The following PPP2R2B variants were observed in gnomAD, a reference collection of about 807,000 sequenced individuals.
PPP2R2B encodes serine/threonine-protein phosphatase 2A 55 kDa regulatory subunit B beta isoform.
PPP2R2B carries 5 observed loss-of-function variants against 46.0 expected under a neutral mutation model. That is an observed-to-expected ratio of 0.11 (90% CI 0.06 to 0.23). The LOEUF (loss-of-function observed/expected upper bound fraction) is 0.23. Among genes scored for constraint, PPP2R2B ranks in the 10% least tolerant of loss-of-function variants. The probability of loss-of-function intolerance (pLI) is 1.00; values close to 1 mark genes in which losing one functional copy is unlikely to be tolerated. For synonymous variants in PPP2R2B, 215 were observed against 206.7 expected (o/e 1.04, Z -0.34); for missense variants, 367 against 575.0 (o/e 0.64, Z 3.70).
intron 1 of PPP2R2B, among the ~76,000 whole-genome samples, chr5:146,948,707 G>A (rs774723516): frequency 6.6e-6 from 1 of 151,924 alleles, no homozygotes; most frequent in African/African-American, 2.4e-5. Flanking sequence ...TCATTCATTT[G>A]GTGCAAAAAC....
At chr5:146,820,879 G>A (rs1758214688) in intron 2 of PPP2R2B, among the ~76,000 whole-genome samples, 1 of 152,134 alleles carries the variant, frequency 6.6e-6, no homozygotes. Flanking sequence ...GACCTAGATA[G>A]AAGCCCTACT....
chr5:146,940,050 G>C (rs2151828488), intron 1 of PPP2R2B, among the ~76,000 whole-genome samples: 1 of 152,258 alleles, frequency 6.6e-6, no homozygotes, highest in Middle Eastern at 3.4e-3. Context: ...TAACCTAAAA[G>C]AGTAAAACAA....
intron 2 of PPP2R2B, among the ~76,000 whole-genome samples, chr5:147,070,871 C>G (rs1757570551): frequency 6.6e-6 from 1 of 152,108 alleles, no homozygotes; most frequent in African/African-American, 2.4e-5. Flanking sequence ...TTAGGCTAAT[C>G]CCATTCTCCT....
chr5:147,024,986 C>A (rs1404286429), intron 1 of PPP2R2B, among the ~76,000 whole-genome samples: 1 of 151,432 alleles, frequency 6.6e-6, no homozygotes, highest in Non-Finnish European at 1.5e-5. Flanking sequence ...AAAAATGGAA[C>A]CACGAATAGG....
intron 1 of PPP2R2B, among the ~76,000 whole-genome samples, chr5:147,048,484 A>C (rs1308248192): frequency 6.6e-6 from 1 of 152,198 alleles, no homozygotes; most frequent in African/African-American, 2.4e-5. Context: ...ATGAGCCTAC[A>C]ATAAATGCTA....
chr5:147,070,384 C>T (rs536868868), intron 2 of PPP2R2B, among the ~76,000 whole-genome samples: 38 of 152,228 alleles, frequency 2.5e-4, no homozygotes, highest in Non-Finnish European at 4.3e-4. Context: ...AAGAAAAAGG[C>T]GTAATCCTTA....
chr5:146,800,920 A>G (rs1476391604), intron 2 of PPP2R2B, among the ~76,000 whole-genome samples: 1 of 130,860 alleles, frequency 7.6e-6, no homozygotes, highest in Non-Finnish European at 1.6e-5. Flanking sequence ...GTGTACATAC[A>G]CACACACACA....
chr5:146,803,298 C>T (rs963839633), intron 2 of PPP2R2B, among the ~76,000 whole-genome samples: 1 of 151,958 alleles, frequency 6.6e-6, no homozygotes, highest in Non-Finnish European at 1.5e-5. Flanking sequence ...CTATGTAAGC[C>T]CCAGCAAATG....
chr5:147,041,756 CATTT>C (rs1756319120), intron 1 of PPP2R2B, among the ~76,000 whole-genome samples: 1 of 152,088 alleles, frequency 6.6e-6, no homozygotes, highest in Admixed American at 6.5e-5. Context: ...GCTTTTTATT[CATTT>C]GTTTAACCCT....
At chr5:147,049,886 CT>C (rs527238998) in intron 1 of PPP2R2B, among the ~76,000 whole-genome samples, 103 of 152,270 alleles carry the variant, frequency 6.8e-4, no homozygotes, top group African/African-American at 2.4e-3. Flanking sequence ...GTGGATGACA[CT>C]TTCAAGGCAT....
At chr5:146,771,618 C>T (rs1025927013) in intron 2 of PPP2R2B, among the ~76,000 whole-genome samples, 12 of 152,304 alleles carry the variant, frequency 7.9e-5, no homozygotes, top group Admixed American at 7.8e-4. Flanking sequence ...CAATATCAGT[C>T]CTGCCCTTCT....
upstream of PPP2R2B, among the ~76,000 whole-genome samples, chr5:147,059,466 GGA>G (rs1561605784): frequency 2.0e-5 from 3 of 152,130 alleles, no homozygotes; most frequent in Non-Finnish European, 4.4e-5. Flanking sequence ...AGGGTCACCA[GGA>G]GAGGAATGGT....
chr5:146,752,333 G>A (rs890231847), intron 2 of PPP2R2B, among the ~76,000 whole-genome samples: 1 of 152,130 alleles, frequency 6.6e-6, no homozygotes, highest in Non-Finnish European at 1.5e-5. Context: ...ACATCACAAT[G>A]TTGGCTCCTT....
rs578127907 is a variant in PPP2R2B at position 146,934,048 on chromosome 5, A to G, written c.79+121617T>C. On this transcript the variant is annotated intron_variant, in intron 1 of 8. Transcript: ENST00000336640. The stretch of plus-strand genomic sequence containing the variant: ...ATGGCTGCATAGTATTCCATGGTGT[A>G]TATGTGCCACATTTTCTTAATCAAG... Among the ~76,000 whole-genome samples, 331 of 152,198 alleles carry G rather than the reference A, an allele frequency of 2.2e-3. 2 individuals carry two copies. Among genetic ancestry groups the G allele is most frequent in the African/African-American group, 7.7e-3 (320 of 41,538 alleles).
At chr5:147,081,495 G>T, upstream of PPP2R2B, 1 of 590,518 alleles carries the variant, frequency 1.7e-6, no homozygotes, top group Non-Finnish European at 3.0e-6. Context: ...GAATACTAAT[G>T]CTTTTGATTG....
At chr5:147,069,798 T>TTTTTTTTC (rs1757530516) in intron 2 of PPP2R2B, among the ~76,000 whole-genome samples, 1 of 130,166 alleles carries the variant, frequency 7.7e-6, no homozygotes, top group Non-Finnish European at 1.6e-5. Flanking sequence ...TTTTTTTTTT[T>TTTTTTTTC]TTTTTTTTTT....
chr5:146,956,069 GC>G (rs1436040373), intron 1 of PPP2R2B, among the ~76,000 whole-genome samples: 1 of 152,016 alleles, frequency 6.6e-6, no homozygotes, highest in African/African-American at 2.4e-5. Context: ...GAGCCACTGA[GC>G]CTGGCCCAAT....
chr5:147,022,522 T>A (rs1297130220), intron 1 of PPP2R2B, among the ~76,000 whole-genome samples: 1 of 151,462 alleles, frequency 6.6e-6, no homozygotes, highest in South Asian at 2.1e-4. Flanking sequence ...ATCATGCCAC[T>A]GCACTCCAGC....
chr5:147,029,720 G>T (rs1356297211), intron 1 of PPP2R2B, among the ~76,000 whole-genome samples: 1 of 152,108 alleles, frequency 6.6e-6, no homozygotes. Flanking sequence ...TATAAGAAAA[G>T]GAAAAGACAC....
Sources: allele counts gnomAD v4.1 joint callset (sites outside exome capture counted in the v4.1 genomes callset), GRCh38; gene constraint gnomAD v4.1.1; transcripts MANE v1.5; gene names NCBI Gene and HGNC (gene_info 2026-07-23, HGNC 2026-07-21).